The following CPSF3 variants were observed in gnomAD, a reference collection of about 807,000 sequenced individuals.
CPSF3 encodes the protein cleavage and polyadenylation specific factor 3, also known as cleavage and polyadenylation specificity factor subunit 3.
In CPSF3, 57 loss-of-function variants were observed where a neutral mutation model predicts 84.1. The observed-to-expected ratio is 0.68, with a 90% CI of 0.55 to 0.85. The LOEUF (loss-of-function observed/expected upper bound fraction) is 0.85, where lower values mean the gene tolerates loss of function less well. Among genes scored for constraint, CPSF3 ranks in the 40% least tolerant of loss-of-function variants. CPSF3 has a pLI of 0.00. For synonymous variants in CPSF3, 275 were observed against 278.1 expected (o/e 0.99, Z 0.11); for missense variants, 522 against 838.8 (o/e 0.62, Z 4.66).
At chr2:9,469,097 A>G (rs539823443) in intron 16 of CPSF3, among the ~76,000 whole-genome samples, 98 of 152,298 alleles carry the variant, frequency 6.4e-4, no homozygotes, top group Admixed American at 1.8e-3. Context: ...AGTGATTACC[A>G]TGGCCGTTGA....
At chr2:9,428,935 AG>A in intron 2 of CPSF3, 107 bp downstream of exon 2, 1 of 684,754 alleles carries the variant, frequency 1.5e-6, no homozygotes, top group Non-Finnish European at 2.6e-6. Context: ...AAAATGTTAT[AG>A]TACATGTAAT....
intron 12 of CPSF3, among the ~76,000 whole-genome samples, chr2:9,454,976 C>T (rs1681473298): frequency 6.6e-6 from 1 of 152,126 alleles, no homozygotes; most frequent in African/African-American, 2.4e-5. Context: ...TGAAGAGAAA[C>T]TGTGCACCTC....
chr2:9,466,296 GCATGCA>G (rs56082287), intron 15 of CPSF3, among the ~76,000 whole-genome samples: 21 of 107,858 alleles, frequency 1.9e-4, no homozygotes, highest in Admixed American at 2.7e-4. Flanking sequence ...GCACACAGAC[GCATGCA>G]CACGCACACT....
At chr2:9,440,350 C>A in intron 7 of CPSF3, 141 bp from the exon 8 acceptor site, 1 of 718,362 alleles carries the variant, frequency 1.4e-6, no homozygotes, top group Non-Finnish European at 2.2e-6. Flanking sequence ...GATAATTTTG[C>A]TTAAACTCTT....
At position 9,453,161 on chromosome 2, in the gene CPSF3, C is replaced by T. The variant is rs535028103; in HGVS notation, c.1504+140C>T. 72 of 557,506 alleles carry T rather than the reference C, an allele frequency of 1.3e-4. No individual in the cohort carries two copies. The Middle Eastern group carries it at 2.4e-3, about 19-fold the overall frequency. The allele number at this position is 557,506 out of a possible 1,614,324, so 34.5% of individuals were successfully genotyped here. A position where few individuals can be genotyped will look rare whatever the true frequency, so the allele number is the denominator to read the frequency against. ...GGAATGAGGCAAGTTAGCTAATTAG[C>T]TTTGTGGGGAGAGAAAAACACCTCC... On this transcript the variant is annotated intron_variant, in intron 12 of 17. Coordinates refer to ENST00000238112, the MANE Select transcript of CPSF3 (RefSeq NM_016207.4).
At chr2:9,459,715 T>G in intron 15 of CPSF3, 97 bp downstream of exon 15, 1 of 573,010 alleles carries the variant, frequency 1.7e-6, no homozygotes, top group Non-Finnish European at 2.8e-6. Flanking sequence ...AGTGGCACGA[T>G]CTCAGCTCAC....
Position 9,429,925 on chromosome 2 carries a change from C to G in CPSF3, c.117C>G (p.Leu39=), listed in dbSNP as rs139906430. 1.8e-5 allele frequency: 28 copies of G among 1,589,938 alleles called. No individual in the cohort carries two copies. Among genetic ancestry groups the G allele is most frequent in the Non-Finnish European group, 6.8e-6 (8 of 1,169,328 alleles). Residue 39 remains leucine, a splice_region_variant and synonymous_variant, in exon 3 of 18, where the codon CTC becomes CTG. Transcript: ENST00000238112. ...ILEFKGRKIM[L]DCGIHPGLEG... ...ATCTCTTTTCCTGTTTCTTTCAGCTCGACTGTGGGATCCACCCTGGCCTAG... is the reference window on the plus strand; with the variant it reads ...ATCTCTTTTCCTGTTTCTTTCAGCTGGACTGTGGGATCCACCCTGGCCTAG...
chr2:9,441,598 C>G lies in CPSF3; in HGVS notation c.937-220C>G, dbSNP rs1279849986. 3 of 507,712 alleles carry G rather than the reference C, an allele frequency of 5.9e-6. No individual in the cohort carries two copies. The South Asian group carries it at 7.4e-5, about 13-fold the overall frequency. The allele number at this position is 507,712 out of a possible 1,614,324, so 31.5% of individuals were successfully genotyped here. A position where few individuals can be genotyped will look rare whatever the true frequency, so the allele number is the denominator to read the frequency against. Reference sequence around the variant, plus strand: ...GCTACCAACAGAAGGTTTTGAAGATCGGGGTGAACTTACCGCTTTTTATTA... The same window carrying G: ...GCTACCAACAGAAGGTTTTGAAGATGGGGGTGAACTTACCGCTTTTTATTA... On this transcript the variant is annotated intron_variant, in intron 8 of 17. Transcript: ENST00000238112.
At chr2:9,433,822 A>ATAG in intron 5 of CPSF3, 49 bp from the exon 6 acceptor site, 8 of 1,316,904 alleles carry the variant, frequency 6.1e-6, no homozygotes, top group Non-Finnish European at 8.7e-6. Flanking sequence ...TCACTAGCAA[A>ATAG]ATGAAGCCTT....
At chr2:9,469,044 T>C (rs781567420) in intron 16 of CPSF3, among the ~76,000 whole-genome samples, 1 of 152,210 alleles carries the variant, frequency 6.6e-6, no homozygotes, top group African/African-American at 2.4e-5. Flanking sequence ...ATTTTGATTT[T>C]AAAGAGCATT....
chr2:9,443,401 G>T, intron 9 of CPSF3, 114 bp from the exon 10 acceptor site: 1 of 959,452 alleles, frequency 1.0e-6, no homozygotes, highest in Non-Finnish European at 1.5e-6. Context: ...GAATGATTTT[G>T]TGCGTAAGGT....
At chr2:9,466,372 CCACGCACTCG>C (rs1428514701) in intron 15 of CPSF3, among the ~76,000 whole-genome samples, 1 of 133,318 alleles carries the variant, frequency 7.5e-6, no homozygotes, top group Non-Finnish European at 1.7e-5. Context: ...ACGCACACAC[CCACGCACTCG>C]CACACACGCG....
At chr2:9,430,358 T>C (rs1680541681) in intron 3 of CPSF3, among the ~76,000 whole-genome samples, 2 of 152,230 alleles carry the variant, frequency 1.3e-5, no homozygotes, top group African/African-American at 4.8e-5. Flanking sequence ...AGAACGCCAT[T>C]TCACCTTTAT....
chr2:9,453,008 T>C lies in CPSF3; in HGVS notation c.1491T>C (p.Pro497=), dbSNP rs775616811. Residue 497 remains proline, a synonymous_variant, in exon 12 of 18, where the codon CCT becomes CCC. Transcript: ENST00000238112. ...ACTTTAATTATCACATACTTTCTCCTTGCGACCTGTCCAGTAAGTATACTA... is the reference window on the plus strand; with the variant it reads ...ACTTTAATTATCACATACTTTCTCCCTGCGACCTGTCCAGTAAGTATACTA... The part of the protein sequence containing the change: ...KRNFNYHILS[P]CDLSNYTDLA... The C allele has an allele frequency of 6.3e-7, 1 of 1,597,544 alleles. No individual in the cohort carries two copies. Among genetic ancestry groups the C allele is most frequent in the Non-Finnish European group, 8.6e-7 (1 of 1,169,448 alleles).
chr2:9,444,420 C>T (rs1445473308), intron 10 of CPSF3, among the ~76,000 whole-genome samples: 1 of 151,732 alleles, frequency 6.6e-6, no homozygotes, highest in Non-Finnish European at 1.5e-5. Flanking sequence ...GCCACTGCAC[C>T]CGGCCGACTT....
chr2:9,443,442 G>GA lies in CPSF3; in HGVS notation c.1096-66dup, dbSNP rs889775028. 1.1e-4 allele frequency: 161 copies of GA among 1,474,760 alleles called. 1 individual carries two copies. Among genetic ancestry groups the GA allele is most frequent in the Non-Finnish European group, 1.4e-4 (153 of 1,089,320 alleles). The allele number at this position is 1,474,760 out of a possible 1,614,324, so 91.4% of individuals were successfully genotyped here. A position where few individuals can be genotyped will look rare whatever the true frequency, so the allele number is the denominator to read the frequency against. Reference sequence around the variant, plus strand: ...ATTTAACATGAATTTATGACTGCATGAAAAAAATGAAAATGTACCTTTACG... The same window carrying GA: ...ATTTAACATGAATTTATGACTGCATGAAAAAAAATGAAAATGTACCTTTACG... On this transcript the variant is annotated intron_variant, in intron 9 of 17. Coordinates refer to ENST00000238112, the MANE Select transcript of CPSF3 (RefSeq NM_016207.4).
Position 9,432,495 on chromosome 2 carries a change from A to G in CPSF3, c.342-16A>G, listed in dbSNP as rs1680626062. 7.0e-7 allele frequency: 1 copy of G among 1,431,714 alleles called. No individual in the cohort carries two copies. The highest frequency in any genetic ancestry group is 2.4e-5 in the East Asian group (1 of 41,906). 88.7% of individuals were successfully genotyped at this position (1,431,714 alleles called of 1,614,324 possible). ...CTGACTCTTAATTGTTTTTGCTGGC[A>G]TCTTTCAAAATTTAGTAACATATCA... On this transcript the variant is annotated splice_polypyrimidine_tract_variant and intron_variant, in intron 4 of 17. Transcript: ENST00000238112.
chr2:9,437,273 ACACACCT>A (rs945923125), intron 7 of CPSF3, among the ~76,000 whole-genome samples: 12 of 152,094 alleles, frequency 7.9e-5, no homozygotes, highest in African/African-American at 2.9e-4. Context: ...GTGTGGTGGC[ACACACCT>A]GTAGTTCCAG....
chr2:9,461,601 C>T (rs1330761447), intron 15 of CPSF3, among the ~76,000 whole-genome samples: 2 of 151,116 alleles, frequency 1.3e-5, no homozygotes, highest in East Asian at 2.0e-4. Context: ...AACCGGGGGG[C>T]GGAGGTTGCA....
Sources: allele counts gnomAD v4.1 joint callset (sites outside exome capture counted in the v4.1 genomes callset), GRCh38; gene constraint gnomAD v4.1.1; transcripts MANE v1.5; gene names NCBI Gene and HGNC (gene_info 2026-07-23, HGNC 2026-07-21).